The following DNM3 variants were observed in gnomAD, a reference collection of about 807,000 sequenced individuals.
DNM3 encodes dynamin 3, also known as dynamin-3.
DNM3 carries 47 observed loss-of-function variants against 101.6 expected under a neutral mutation model. The observed-to-expected ratio is 0.46, with a 90% CI of 0.37 to 0.59. The LOEUF is 0.59. Ranked by LOEUF, DNM3 falls within the 20% of genes least tolerant of loss-of-function variation. The pLI is 0.00. For missense variants in DNM3, 849 were observed against 1,085.7 expected (o/e 0.78, Z 3.06); for synonymous variants, 385 against 387.9 (o/e 0.99, Z 0.09).
At chr1:172,401,533 A>G (rs367967258) in intron 20 of DNM3, among the ~76,000 whole-genome samples, 13 of 152,348 alleles carry the variant, frequency 8.5e-5, no homozygotes, top group East Asian at 3.9e-4. Context: ...TTCAAATTCC[A>G]TGAATTGATT....
At chr1:172,224,201 C>T (rs2061018022) in intron 14 of DNM3, among the ~76,000 whole-genome samples, 1 of 152,180 alleles carries the variant, frequency 6.6e-6, no homozygotes, top group Non-Finnish European at 1.5e-5. Flanking sequence ...TTCTTGTGAG[C>T]AGTGTCTTAT....
chr1:172,201,104 T>C (rs2060136954), intron 14 of DNM3, among the ~76,000 whole-genome samples: 1 of 152,122 alleles, frequency 6.6e-6, no homozygotes, highest in Non-Finnish European at 1.5e-5. Flanking sequence ...GAAGCTGCCT[T>C]TTTGTCTCTG....
chr1:172,261,037 A>C (rs1172599520), intron 15 of DNM3, among the ~76,000 whole-genome samples: 1 of 151,486 alleles, frequency 6.6e-6, no homozygotes, highest in Non-Finnish European at 1.5e-5. Context: ...AGCCTCTACC[A>C]CTGGGCTTAA....
chr1:171,872,974 G>T (rs143625974), intron 1 of DNM3, among the ~76,000 whole-genome samples: 297 of 152,250 alleles, frequency 2.0e-3, no homozygotes, highest in African/African-American at 6.9e-3. Context: ...ATTGAAGGAG[G>T]AGCAGAATCA....
At chr1:171,847,380 G>C (rs910213781) in intron 1 of DNM3, among the ~76,000 whole-genome samples, 1 of 152,128 alleles carries the variant, frequency 6.6e-6, no homozygotes, top group African/African-American at 2.4e-5. Flanking sequence ...TATCATTTTA[G>C]CTCAAGCCTG....
chr1:172,080,803 G>C, intron 11 of DNM3, among the ~76,000 whole-genome samples: 1 of 152,220 alleles, frequency 6.6e-6, no homozygotes, highest in Non-Finnish European at 1.5e-5. Flanking sequence ...AAGACCATGG[G>C]AAAAGCGTAG....
At chr1:172,204,799 G>A (rs2060272392) in intron 14 of DNM3, among the ~76,000 whole-genome samples, 1 of 152,018 alleles carries the variant, frequency 6.6e-6, no homozygotes, top group Non-Finnish European at 1.5e-5. Context: ...CATTACAGCG[G>A]CATCCTGAAT....
At chr1:171,932,553 T>C (rs2041112939) in intron 2 of DNM3, among the ~76,000 whole-genome samples, 1 of 152,184 alleles carries the variant, frequency 6.6e-6, no homozygotes, top group East Asian at 1.9e-4. Flanking sequence ...TGGTTTTATA[T>C]AGTGTTCATG....
intron 15 of DNM3, among the ~76,000 whole-genome samples, chr1:172,278,856 A>G (rs972545579): frequency 1.3e-5 from 2 of 152,136 alleles, no homozygotes; most frequent in Non-Finnish European, 2.9e-5. Flanking sequence ...GGAGGTTAAA[A>G]TGTTCTTTCT....
At chr1:172,377,646 A>T (rs1203159066) in intron 17 of DNM3, among the ~76,000 whole-genome samples, 1 of 148,688 alleles carries the variant, frequency 6.7e-6, no homozygotes, top group African/African-American at 2.5e-5. Context: ...CTCAACTTGG[A>T]ATTTCTCTGG....
chr1:171,966,137 C>T (rs1267090350), intron 2 of DNM3, among the ~76,000 whole-genome samples: 1 of 152,224 alleles, frequency 6.6e-6, no homozygotes, highest in Non-Finnish European at 1.5e-5. Context: ...AGGTGGCCCT[C>T]CCAAACAACA....
chr1:172,313,874 G>A (rs2065187601), intron 16 of DNM3, among the ~76,000 whole-genome samples: 1 of 152,050 alleles, frequency 6.6e-6, no homozygotes, highest in African/African-American at 2.4e-5. Context: ...GTATACGTGT[G>A]CCATGGTGGT....
chr1:172,108,007 G>A (rs2055188111), intron 13 of DNM3, among the ~76,000 whole-genome samples: 3 of 151,636 alleles, frequency 2.0e-5, no homozygotes, highest in South Asian at 2.1e-4. Flanking sequence ...GGAGGTACCC[G>A]GTGGTTAACC....
intron 1 of DNM3, among the ~76,000 whole-genome samples, chr1:171,897,080 T>TA (rs998447861): frequency 1.8e-4 from 28 of 151,714 alleles, no homozygotes; most frequent in African/African-American, 3.6e-4. Flanking sequence ...TATATATATA[T>TA]TTTTTAGCAT....
intron 10 of DNM3, among the ~76,000 whole-genome samples, chr1:172,050,017 C>T (rs2050096340): frequency 6.6e-6 from 1 of 152,094 alleles, no homozygotes. Flanking sequence ...CACCTCATTT[C>T]CTAAACTCCT....
At chr1:172,084,973 A>G (rs1322646602) in intron 12 of DNM3, among the ~76,000 whole-genome samples, 1 of 152,168 alleles carries the variant, frequency 6.6e-6, no homozygotes, top group Non-Finnish European at 1.5e-5. Context: ...AGGACATCTC[A>G]AAATTCTTCT....
chr1:171,892,074 A>G (rs1016226915), intron 1 of DNM3, among the ~76,000 whole-genome samples: 1 of 152,204 alleles, frequency 6.6e-6, no homozygotes, highest in African/African-American at 2.4e-5. Flanking sequence ...GTTATAATCC[A>G]ATGCTACTTT....
At chr1:172,342,628 G>A (rs187083550) in intron 17 of DNM3, among the ~76,000 whole-genome samples, 3 of 152,198 alleles carry the variant, frequency 2.0e-5, no homozygotes, top group Admixed American at 1.3e-4. Context: ...TGGGAGGAGA[G>A]AAAGGATCAG....
intron 17 of DNM3, among the ~76,000 whole-genome samples, chr1:172,336,568 T>C (rs988111596): frequency 6.6e-6 from 1 of 151,162 alleles, no homozygotes; most frequent in Non-Finnish European, 1.5e-5. Context: ...AAAGTTTTGA[T>C]TCATGTCATC....
Sources: gnomAD v4.1 joint callset for allele counts (sites outside exome capture counted in the v4.1 genomes callset) on GRCh38, gnomAD v4.1.1 for gene constraint, MANE v1.5 for transcripts, NCBI Gene and HGNC (gene_info 2026-07-23, HGNC 2026-07-21) for gene names.